Variants in MKI67 observed in about 807,000 individuals in gnomAD.
The protein encoded by MKI67 is proliferation marker protein Ki-67.
Under a neutral mutation model 233.5 loss-of-function variants are expected in MKI67, and 152 were observed. The observed-to-expected ratio is 0.65, with a 90% CI of 0.57 to 0.74. MKI67 has a LOEUF of 0.74. Among genes scored for constraint, MKI67 ranks in the 30% least tolerant of loss-of-function variants. The probability of loss-of-function intolerance (pLI) is 0.00; values close to 1 mark genes in which losing one functional copy is unlikely to be tolerated. For synonymous variants in MKI67, 1,465 were observed against 1,418.5 expected (o/e 1.03, Z -0.74); for missense variants, 3,940 against 3,885.2 (o/e 1.01, Z -0.37).
At chr10:128,119,774 C>T (rs1365675004) in intron 4 of MKI67, among the ~76,000 whole-genome samples, 1 of 152,220 alleles carries the variant, frequency 6.6e-6, no homozygotes, top group South Asian at 2.1e-4. Context: ...AAAAGCTACA[C>T]TTACACTACA....
rs1361471177 is a variant in MKI67 at position 128,125,223 on chromosome 10, G to A, written c.92+353C>T. On this transcript the variant is annotated intron_variant, in intron 2 of 14. Transcript: ENST00000368654. The surrounding 1 kb of genome is among the most constrained non-coding windows in gnomAD (Gnocchi z 5.3). ...CCTTCCTTCATTCTCTGTGTCCCCA[G>A]TGGCCAGGGATGCCCACTGTGGAGG... Among the ~76,000 whole-genome samples the A allele has an allele frequency of 2.0e-5, 3 of 152,184 alleles. No individual in the cohort carries two copies. Among genetic ancestry groups the A allele is most frequent in the African/African-American group, 7.2e-5 (3 of 41,442 alleles).
chr10:128,109,478 A>G lies in MKI67; in HGVS notation c.2417-55T>C. The G allele has an allele frequency of 3.9e-6, 6 of 1,533,024 alleles. No individual in the cohort carries two copies. The South Asian group carries it at 6.3e-5, about 16-fold the overall frequency. 95.0% of individuals were successfully genotyped at this position (1,533,024 alleles called of 1,614,324 possible). A position where few individuals can be genotyped will look rare whatever the true frequency, so the allele number is the denominator to read the frequency against. On this transcript the variant is annotated intron_variant, in intron 12 of 14. Transcript: ENST00000368654. ...TTCTATTAGTGTCTCATGTCAATCG[A>G]GTATTACAGCCTCATAAAATATGGT... is the stretch of plus-strand genomic sequence containing the variant.
rs761032121 is a variant in MKI67, at chr10:128,108,451, T to C, written c.3389A>G (p.Lys1130Arg). The C allele has an allele frequency of 1.3e-5, 21 of 1,613,870 alleles. No individual in the cohort carries two copies. In the Admixed American group the frequency reaches 3.3e-4, roughly 26 times the overall value. The change falls in exon 13 of 15, where the codon AAA becomes AGA. Residue 1130 changes from lysine to arginine, a missense_variant. By Grantham distance (26) the Lys-to-Arg change is conservative (BLOSUM62 2). Transcript: ENST00000368654. The stretch of plus-strand genomic sequence containing the variant: ...GTCCACTGATTCTGGTGGTGGAGAT[T>C]TGCAGGCTATTTTGGTAGTTTTCTC... ...TDEKTTKIACKSPPPESVDTP... is the reference protein window; with the variant it reads ...TDEKTTKIACRSPPPESVDTP...
chr10:128,123,397 A>C (rs899685698), intron 2 of MKI67, among the ~76,000 whole-genome samples: 11 of 152,252 alleles, frequency 7.2e-5, no homozygotes, highest in African/African-American at 2.7e-4. Flanking sequence ...TGTAAAAACA[A>C]GGGAAAACAC....
In MKI67 at chr10:128,099,003, C is replaced by T. The variant is rs574952371; in HGVS notation, c.*187G>A. 1 of 497,702 alleles carries T rather than the reference C, an allele frequency of 2.0e-6. No homozygotes were observed. Among genetic ancestry groups the T allele is most frequent in the Admixed American group, 3.8e-5 (1 of 26,086 alleles). 30.8% of individuals were successfully genotyped at this position (497,702 alleles called of 1,614,324 possible). On this transcript the variant is annotated 3_prime_UTR_variant, in exon 15 of 15. Transcript: ENST00000368654. ...CCCCGGTGTTCAACTATTCTCAGTCCAGGAGCCCAGCAGTGCTCCCAGTGG... is the reference window on the plus strand; with the variant it reads ...CCCCGGTGTTCAACTATTCTCAGTCTAGGAGCCCAGCAGTGCTCCCAGTGG...
rs756348493 is a variant in MKI67, at chr10:128,103,227, G to T, written c.8613C>A (p.Thr2871=). 1.2e-6 allele frequency: 2 copies of T among 1,614,010 alleles called. No individual in the cohort carries two copies. Among genetic ancestry groups the T allele is most frequent in the Non-Finnish European group, 1.7e-6 (2 of 1,179,994 alleles). Residue 2871 remains threonine, a synonymous_variant, in exon 13 of 15, where the codon ACC becomes ACA. Transcript: ENST00000368654. ...LTQTSGETTH[T]DKEPVGEGKG... ...TGCCCTCACCTACCGGCTCTTTGTC[G>T]GTGTGCGTGGTCTCCCCTGAGGTTT...
intron 5 of MKI67, among the ~76,000 whole-genome samples, chr10:128,118,785 A>T (rs979407783): frequency 1.3e-5 from 2 of 152,226 alleles, no homozygotes; most frequent in Admixed American, 1.3e-4. Flanking sequence ...AAAGCACAGG[A>T]TCCCTTTTCC....
At position 128,102,713 on chromosome 10, in the gene MKI67, C is replaced by G; in HGVS notation, c.9127G>C (p.Glu3043Gln). The G allele has an allele frequency of 9.9e-6, 16 of 1,614,222 alleles. No homozygotes were observed. Among genetic ancestry groups the G allele is most frequent in the Non-Finnish European group, 1.4e-5 (16 of 1,180,038 alleles). ...CTTCTCTTCATGATGACCACGGGTTCGGATGATTTGCCTCTTGCCCTGGGA... is the reference window on the plus strand; with the variant it reads ...CTTCTCTTCATGATGACCACGGGTTGGGATGATTTGCCTCTTGCCCTGGGA... Reference protein sequence around the residue: ...VAPRARGKSSEPVVIMKRSLR... With the variant: ...VAPRARGKSSQPVVIMKRSLR... Residue 3043 changes from glutamate (E) to glutamine (Q), a missense_variant, in exon 13 of 15, where the codon GAA (glutamate) becomes CAA (glutamine). By Grantham distance (29) the Glu-to-Gln change is conservative. Coordinates refer to ENST00000368654, the MANE Select transcript of MKI67 (RefSeq NM_002417.5).
At position 128,106,610 on chromosome 10, in the gene MKI67, G is replaced by C. The variant is rs562471235; in HGVS notation, c.5230C>G (p.Leu1744Val). The change falls in exon 13 of 15, where the codon CTA (leucine) becomes GTA (valine). Residue 1744 changes from leucine to valine, a missense_variant. Physicochemically the swap from Leu to Val is conservative, Grantham distance 32. Transcript: ENST00000368654. ...KVSYRASQPD[L>V]VDTPTSSKPQ... The stretch of plus-strand genomic sequence containing the variant: ...TTGGAGCTTGTTGGGGTGTCCACTA[G>C]GTCTGGCTGTGAAGCTCTGTAGGAT... 5.0e-6 allele frequency: 8 copies of C among 1,614,190 alleles called. No homozygotes were observed. In the African/African-American group the frequency reaches 5.3e-5, roughly 11 times the overall value.
Position 128,108,643 on chromosome 10 carries a change from C to A in MKI67, c.3197G>T (p.Arg1066Ile). 1 of 1,614,138 alleles carries A rather than the reference C, an allele frequency of 6.2e-7. No homozygotes were observed. The highest frequency in any genetic ancestry group is 8.5e-7 in the Non-Finnish European group (1 of 1,180,032). Residue 1066 changes from arginine (R) to isoleucine (I), a missense_variant, in exon 13 of 15, where the codon AGA (arginine) becomes ATA (isoleucine). Arg to Ile is a moderately conservative substitution (Grantham distance 97, BLOSUM62 -3). Coordinates refer to ENST00000368654, the MANE Select transcript of MKI67 (RefSeq NM_002417.5). ...REPAGDGKSI[R>I]TFKESPKQIL... Reference sequence around the variant, plus strand: ...CTGCTTTGGAGACTCCTTAAACGTTCTGATGCTCTTGCCATCTCCTGCTGG... The same window carrying A: ...CTGCTTTGGAGACTCCTTAAACGTTATGATGCTCTTGCCATCTCCTGCTGG...
In MKI67 at chr10:128,103,176, A is replaced by G. The variant is rs1462133604; in HGVS notation, c.8664T>C (p.Pro2888=). ...EGKGTKAFKQ[P]AKRKLDAEDV... ...CTTCTGCGTCCAGCTTCCGCTTTGC[A>G]GGTTGCTTAAATGCTTTCGTGCCTT... Residue 2888 remains proline (P), a synonymous_variant, in exon 13 of 15, where the codon CCT becomes CCC. Transcript: ENST00000368654. 1.9e-6 allele frequency: 3 copies of G among 1,610,082 alleles called. No homozygotes were observed. Among genetic ancestry groups the G allele is most frequent in the African/African-American group, 2.7e-5 (2 of 73,524 alleles).
At position 128,108,091 on chromosome 10, in the gene MKI67, G is replaced by A. The variant is rs1852563149; in HGVS notation, c.3749C>T (p.Pro1250Leu). The change falls in exon 13 of 15, where the codon CCC becomes CTC. Residue 1250 changes from proline (P) to leucine (L), a missense_variant. By Grantham distance (98) the Pro-to-Leu change is moderately conservative. Transcript: ENST00000368654. ...LVAAGKTTKI[P>L]CDSPQSDPVD... ...TGGGTCTGACTGTGGAGAGTCGCAGGGTATTTTAGTGGTTTTACCAGCAGC... is the reference window on the plus strand; with the variant it reads ...TGGGTCTGACTGTGGAGAGTCGCAGAGTATTTTAGTGGTTTTACCAGCAGC... 6.2e-7 allele frequency: 1 copy of A among 1,612,646 alleles called. No homozygotes were observed. The highest frequency in any genetic ancestry group is 1.3e-5 in the African/African-American group (1 of 74,348).
In MKI67 at chr10:128,111,694, G is replaced by A. The variant is rs759614058; in HGVS notation, c.2211C>T (p.Leu737=). 2 of 1,613,980 alleles carry A rather than the reference G, an allele frequency of 1.2e-6. No individual in the cohort carries two copies. The highest frequency in any genetic ancestry group is 2.2e-5 in the South Asian group (2 of 91,016). Residue 737 remains leucine, a synonymous_variant, in exon 11 of 15, where the codon CTC becomes CTT. Coordinates refer to ENST00000368654, the MANE Select transcript of MKI67 (RefSeq NM_002417.5). ...TTTTTTGGTTGGAAATGAAGTTGTT[G>A]AGCACTCTGTAGGGTCGAGCAGGCA... is the stretch of plus-strand genomic sequence containing the variant. ...VHVPARPYRV[L]NNFISNQKMD... is the part of the protein sequence containing the mutation.
At position 128,115,215 on chromosome 10, in the gene MKI67, C is replaced by G; in HGVS notation, c.1193G>C (p.Arg398Thr). 6.2e-7 allele frequency: 1 copy of G among 1,614,238 alleles called. No homozygotes were observed. The highest frequency in any genetic ancestry group is 8.5e-7 in the Non-Finnish European group (1 of 1,180,044). ...KTLTPRKLST[R>T]NRTPAKVEDA... ...TTCAACTTTAGCTGGTGTTCGATTTCTAGTTGAAAGCTTCCTGGGAGTAAG... is the reference window on the plus strand; with the variant it reads ...TTCAACTTTAGCTGGTGTTCGATTTGTAGTTGAAAGCTTCCTGGGAGTAAG... The change falls in exon 7 of 15, where the codon AGA (arginine) becomes ACA (threonine). Residue 398 changes from arginine to threonine, a missense_variant. Coordinates refer to ENST00000368654, the MANE Select transcript of MKI67 (RefSeq NM_002417.5).
chr10:128,108,350 T>G lies in MKI67; in HGVS notation c.3490A>C (p.Arg1164=). 1 of 1,614,178 alleles carries G rather than the reference T, an allele frequency of 6.2e-7. No individual in the cohort carries two copies. Among genetic ancestry groups the G allele is most frequent in the Non-Finnish European group, 8.5e-7 (1 of 1,180,038 alleles). ...TTCCCTGCTGATGGTGTTAGTTTCC[T>G]GAGTGCTAAGAATTCTTCCTCTACA... ...ADVEEEFLAL[R]KLTPSAGKAM... Residue 1164 remains arginine (R), a synonymous_variant, in exon 13 of 15, where the codon AGG becomes CGG. Coordinates refer to ENST00000368654, the MANE Select transcript of MKI67 (RefSeq NM_002417.5).
rs796998609 is a variant in MKI67, at chr10:128,115,465, G to C, written c.943C>G (p.Gln315Glu). 4 of 1,613,810 alleles carry C rather than the reference G, an allele frequency of 2.5e-6. No homozygotes were observed. The South Asian group carries it at 4.4e-5, about 18-fold the overall frequency. The change falls in exon 7 of 15, where the codon CAG (glutamine) becomes GAG (glutamate). Residue 315 changes from glutamine (Q) to glutamate (E), a missense_variant. Transcript: ENST00000368654. ...ACGTCTCTTCCCTTCCCCTTGTTCTGGTCAAGCTCTTGTTCAGGTGAAGCA... is the reference window on the plus strand; with the variant it reads ...ACGTCTCTTCCCTTCCCCTTGTTCTCGTCAAGCTCTTGTTCAGGTGAAGCA... ...EPASPEQELD[Q>E]NKGKGRDVES...
Position 128,111,680 on chromosome 10 carries a change from G to T in MKI67, c.2225C>A (p.Ser742Tyr). The T allele has an allele frequency of 6.2e-7, 1 of 1,610,062 alleles. No homozygotes were observed. Among genetic ancestry groups the T allele is most frequent in the Non-Finnish European group, 8.5e-7 (1 of 1,178,876 alleles). The change falls in exon 11 of 15, where the codon TCC (serine) becomes TAC (tyrosine). Residue 742 changes from serine (S) to tyrosine (Y), a missense_variant. Ser to Tyr is a moderately radical substitution (Grantham distance 144). Coordinates refer to ENST00000368654, the MANE Select transcript of MKI67 (RefSeq NM_002417.5). ...RPYRVLNNFI[S>Y]NQKMDFKEDL... ...TTCCTTAAAGTCCATTTTTTGGTTG[G>T]AAATGAAGTTGTTGAGCACTCTGTA...
intron 6 of MKI67, among the ~76,000 whole-genome samples, chr10:128,116,237 TAACTACTGAG>T (rs972440029): frequency 1.7e-4 from 26 of 152,372 alleles, no homozygotes; most frequent in Middle Eastern, 6.8e-3. Context: ...ACATGCTATC[TAACTACTGAG>T]AACTGAGTTG....
intron 6 of MKI67, 49 bp from the exon 7 acceptor site, chr10:128,116,056 A>G: frequency 6.6e-7 from 1 of 1,511,854 alleles, no homozygotes; most frequent in Non-Finnish European, 8.8e-7. Context: ...CATTTTCTCA[A>G]TGATTAACAT....
Sources: gnomAD v4.1 joint callset for allele counts (sites outside exome capture counted in the v4.1 genomes callset) on GRCh38, gnomAD v4.1.1 for gene constraint, Gnocchi (gnomAD v3.1) non-coding constraint, MANE v1.5 for transcripts, NCBI Gene and HGNC (gene_info 2026-07-23, HGNC 2026-07-21) for gene names.